The following SOX5 variants were observed in gnomAD, a reference collection of about 807,000 sequenced individuals.
SOX5 encodes the protein transcription factor SOX-5.
SOX5 carries 9 observed loss-of-function variants against 92.0 expected under a neutral mutation model. The ratio of observed to expected loss-of-function variants is 0.10; its 90% CI spans 0.06 to 0.17. SOX5 has a LOEUF of 0.17. Among genes scored for constraint, SOX5 ranks in the 10% least tolerant of loss-of-function variants. The pLI is 1.00. For synonymous variants in SOX5, 344 were observed against 336.3 expected (o/e 1.02, Z -0.25); for missense variants, 642 against 944.5 (o/e 0.68, Z 4.20).
intron 4 of SOX5, among the ~76,000 whole-genome samples, chr12:24,054,309 T>C (rs1461173167): frequency 6.6e-6 from 1 of 152,170 alleles, no homozygotes; most frequent in Admixed American, 6.5e-5. Context: ...AACCTACATC[T>C]TCCTCAGAGA....
intron 4 of SOX5, among the ~76,000 whole-genome samples, chr12:24,023,239 A>T (rs998982035): frequency 6.6e-6 from 1 of 152,176 alleles, no homozygotes; most frequent in African/African-American, 2.4e-5. Flanking sequence ...GTTACACATG[A>T]TAGAACAGCT....
chr12:24,103,596 T>G (rs1157954927), intron 4 of SOX5, among the ~76,000 whole-genome samples: 1 of 152,238 alleles, frequency 6.6e-6, no homozygotes, highest in Non-Finnish European at 1.5e-5. Flanking sequence ...CCTCAAGTGA[T>G]CCTCACGCCT....
chr12:23,631,815 A>G lies in SOX5; in HGVS notation c.1017+8997T>C, dbSNP rs144294098. On this transcript the variant is annotated intron_variant, in intron 8 of 14. Coordinates refer to ENST00000451604, the MANE Select transcript of SOX5 (RefSeq NM_006940.6). The stretch of plus-strand genomic sequence containing the variant: ...GTCAGCATGTAATAAGACACCATGA[A>G]GCTGCTGAAAGCAAGAAAACACAGA... 4.8e-3 allele frequency among the ~76,000 whole-genome samples: 732 copies of G among 152,272 alleles called. 5 individuals carry two copies. The highest frequency in any genetic ancestry group is 0.017 in the African/African-American group (696 of 41,568).
rs115783610 is a variant in SOX5 at position 24,303,508 on chromosome 12, T to C, written c.-173-26196A>G. ...CACAGTATCTAAACAAAAAAATAGGTATTTTTAAGTTTAGATTTCCTTTAA... is the reference window on the plus strand; with the variant it reads ...CACAGTATCTAAACAAAAAAATAGGCATTTTTAAGTTTAGATTTCCTTTAA... On this transcript the variant is annotated intron_variant, in intron 2 of 4. Transcript: ENST00000446891. Among the ~76,000 whole-genome samples, 738 of 152,286 alleles carry C rather than the reference T, an allele frequency of 4.8e-3. 3 individuals are homozygous for C. Among genetic ancestry groups the C allele is most frequent in the African/African-American group, 0.017 (698 of 41,546 alleles).
intron 4 of SOX5, among the ~76,000 whole-genome samples, chr12:24,208,519 C>T (rs1958254806): frequency 6.6e-6 from 1 of 152,166 alleles, no homozygotes; most frequent in African/African-American, 2.4e-5. Context: ...TCCCACTGTC[C>T]AACATCTCTG....
chr12:24,233,624 G>A (rs1036577859), intron 3 of SOX5, among the ~76,000 whole-genome samples: 17 of 152,212 alleles, frequency 1.1e-4, no homozygotes, highest in African/African-American at 4.1e-4. Context: ...TTCCAAATGA[G>A]GGTTTTCTAG....
At chr12:23,734,653 T>A in intron 6 of SOX5, 31 bp downstream of exon 6, 1 of 1,490,354 alleles carries the variant, frequency 6.7e-7, no homozygotes, top group African/African-American at 1.4e-5. Context: ...ATTTTTTAAA[T>A]TGTAAGTATA....
chr12:23,750,703 A>G (rs2094153721), intron 4 of SOX5, among the ~76,000 whole-genome samples: 1 of 151,874 alleles, frequency 6.6e-6, no homozygotes, highest in Non-Finnish European at 1.5e-5. Flanking sequence ...TTTCCAATAT[A>G]AAGCCCAGAT....
chr12:24,414,588 C>T (rs927902108), intron 1 of SOX5, among the ~76,000 whole-genome samples: 2 of 152,192 alleles, frequency 1.3e-5, no homozygotes, highest in Non-Finnish European at 2.9e-5. Flanking sequence ...CCAGAGACAG[C>T]CATCTGCCTG....
chr12:24,318,306 A>AGT (rs769377598), intron 2 of SOX5, among the ~76,000 whole-genome samples: 17 of 152,280 alleles, frequency 1.1e-4, no homozygotes, highest in East Asian at 3.9e-4. Flanking sequence ...AAGCAAAAGC[A>AGT]GTGTGTGTGA....
chr12:23,874,150 A>G (rs1283364442), intron 2 of SOX5, among the ~76,000 whole-genome samples: 1 of 152,226 alleles, frequency 6.6e-6, no homozygotes, highest in Non-Finnish European at 1.5e-5. Flanking sequence ...AAAGATGGGA[A>G]TCATTTATCT....
chr12:24,023,340 A>T (rs536759529), intron 4 of SOX5, among the ~76,000 whole-genome samples: 13 of 152,222 alleles, frequency 8.5e-5, no homozygotes, highest in Admixed American at 5.2e-4. Flanking sequence ...CTTGATCTGC[A>T]TATTTAAGAC....
intron 1 of SOX5, among the ~76,000 whole-genome samples, chr12:24,438,225 T>C (rs1287462608): frequency 6.6e-6 from 1 of 152,134 alleles, no homozygotes; most frequent in Non-Finnish European, 1.5e-5. Flanking sequence ...AAGTGGGAGT[T>C]GAACAATGAG....
intron 4 of SOX5, among the ~76,000 whole-genome samples, chr12:24,096,314 G>C (rs1458483375): frequency 6.6e-6 from 1 of 152,038 alleles, no homozygotes; most frequent in Non-Finnish European, 1.5e-5. Context: ...ACACAACATA[G>C]AATGTACAGT....
chr12:23,986,213 T>C (rs1250853687), intron 4 of SOX5, among the ~76,000 whole-genome samples: 1 of 152,170 alleles, frequency 6.6e-6, no homozygotes, highest in East Asian at 1.9e-4. Context: ...GCAATAAATC[T>C]ATCTTTAACT....
At chr12:23,851,107 A>G (rs1006231032) in intron 2 of SOX5, among the ~76,000 whole-genome samples, 2 of 152,148 alleles carry the variant, frequency 1.3e-5, no homozygotes, top group Non-Finnish European at 2.9e-5. Context: ...TTATCAAGAT[A>G]AAAGTTTACC....
chr12:23,836,074 T>C (rs967461138), intron 3 of SOX5, among the ~76,000 whole-genome samples: 5 of 151,834 alleles, frequency 3.3e-5, no homozygotes, highest in South Asian at 2.1e-4. Context: ...AATTTATATA[T>C]AGTAATTTAT....
At chr12:23,979,751 T>A (rs1417428106) in intron 4 of SOX5, among the ~76,000 whole-genome samples, 1 of 128,344 alleles carries the variant, frequency 7.8e-6, no homozygotes, top group East Asian at 2.6e-4. Context: ...AGGGCCTTAC[T>A]GTGTCACTCA....
At position 24,346,165 on chromosome 12, in the gene SOX5, G is replaced by A. The variant is rs570183458; in HGVS notation, c.-174+22398C>T. 1.1e-4 allele frequency among the ~76,000 whole-genome samples: 17 copies of A among 152,306 alleles called. No homozygotes were observed. In the East Asian group the frequency reaches 1.2e-3, roughly 10 times the overall value. On this transcript the variant is annotated intron_variant, in intron 2 of 4. Coordinates refer to the SOX5 transcript ENST00000446891. ...TTTATTGAAATGCGGGAAAACGAAC[G>A]TCATCCATGCATTTAGGGAAATTTT...
Sources: gnomAD v4.1 joint callset for allele counts (sites outside exome capture counted in the v4.1 genomes callset) on GRCh38, gnomAD v4.1.1 for gene constraint, MANE v1.5 for transcripts, NCBI Gene and HGNC (gene_info 2026-07-23, HGNC 2026-07-21) for gene names.